Variants in DIAPH3 observed in about 807,000 individuals in gnomAD.
The protein encoded by DIAPH3 is protein diaphanous homolog 3.
In DIAPH3, 117 loss-of-function variants were observed where a neutral mutation model predicts 144.3. That is an observed-to-expected ratio of 0.81 (90% CI 0.70 to 0.95). The LOEUF is 0.95. Ranked by LOEUF, DIAPH3 falls within the 40% of genes least tolerant of loss-of-function variation. DIAPH3 has a pLI of 0.00. For synonymous variants in DIAPH3, 519 were observed against 488.9 expected (o/e 1.06, Z -0.81); for missense variants, 1,421 against 1,412.7 (o/e 1.01, Z -0.09).
chr13:59,744,688 A>G (rs1249765308), intron 27 of DIAPH3, among the ~76,000 whole-genome samples: 1 of 152,212 alleles, frequency 6.6e-6, no homozygotes, highest in Non-Finnish European at 1.5e-5. Flanking sequence ...ACAGAGAGGT[A>G]TAACTTATTA....
At chr13:60,046,110 T>C (rs118125262) in intron 4 of DIAPH3, among the ~76,000 whole-genome samples, 1 of 152,278 alleles carries the variant, frequency 6.6e-6, no homozygotes, top group Non-Finnish European at 1.5e-5. Context: ...AACTCCTGAA[T>C]AGCAATAGGT....
chr13:59,995,107 TG>T (rs1475436949), intron 9 of DIAPH3, among the ~76,000 whole-genome samples: 2 of 151,770 alleles, frequency 1.3e-5, no homozygotes, highest in African/African-American at 4.8e-5. Context: ...ACATACAAAA[TG>T]TAAGAAGAGC....
chr13:60,050,578 C>G (rs1001715102), intron 4 of DIAPH3, among the ~76,000 whole-genome samples: 1 of 152,046 alleles, frequency 6.6e-6, no homozygotes, highest in Non-Finnish European at 1.5e-5. Context: ...AAATCAGAAG[C>G]AGCAGCAGCA....
intron 27 of DIAPH3, among the ~76,000 whole-genome samples, chr13:59,716,836 C>T (rs140976134): frequency 1.4e-4 from 22 of 152,180 alleles, no homozygotes; most frequent in African/African-American, 4.6e-4. Flanking sequence ...TTAAATTCTG[C>T]TTTAAATGAG....
chr13:60,048,051 C>T (rs1056911611), intron 4 of DIAPH3, among the ~76,000 whole-genome samples: 4 of 152,188 alleles, frequency 2.6e-5, no homozygotes, highest in African/African-American at 9.7e-5. Context: ...CAATGCAGGG[C>T]CCATGGTGAA....
At chr13:60,064,670 G>T (rs529211262) in intron 4 of DIAPH3, among the ~76,000 whole-genome samples, 2 of 152,268 alleles carry the variant, frequency 1.3e-5, no homozygotes, top group South Asian at 4.1e-4. Flanking sequence ...TCAACAATAA[G>T]ATTGTTTTGC....
At chr13:59,814,800 C>CTTT in intron 24 of DIAPH3, among the ~76,000 whole-genome samples, 1 of 152,176 alleles carries the variant, frequency 6.6e-6, no homozygotes, top group East Asian at 1.9e-4. Flanking sequence ...TAAAGAAATT[C>CTTT]TTTGAGTGTT....
chr13:59,884,536 G>A (rs1307700313), intron 20 of DIAPH3, among the ~76,000 whole-genome samples: 1 of 152,056 alleles, frequency 6.6e-6, no homozygotes. Flanking sequence ...TTCTCTATGG[G>A]AGAGGTATGA....
At chr13:59,693,401 T>C (rs1053625031) in intron 27 of DIAPH3, among the ~76,000 whole-genome samples, 4 of 152,206 alleles carry the variant, frequency 2.6e-5, no homozygotes, top group African/African-American at 9.6e-5. Flanking sequence ...ATCATGAAAC[T>C]CAGTTCTTTG....
intron 4 of DIAPH3, among the ~76,000 whole-genome samples, chr13:60,051,622 A>G (rs2056348416): frequency 1.3e-5 from 2 of 152,264 alleles, no homozygotes; most frequent in South Asian, 4.1e-4. Flanking sequence ...GTCTCAAAAA[A>G]AAACAAGAAA....
chr13:59,848,090 C>T (rs2139830800), intron 22 of DIAPH3, among the ~76,000 whole-genome samples: 1 of 152,194 alleles, frequency 6.6e-6, no homozygotes, highest in East Asian at 1.9e-4. Flanking sequence ...TTCTTACCAC[C>T]CTCACTACTC....
At chr13:59,940,322 T>A (rs2048466172) in intron 17 of DIAPH3, among the ~76,000 whole-genome samples, 1 of 152,160 alleles carries the variant, frequency 6.6e-6, no homozygotes, top group Non-Finnish European at 1.5e-5. Flanking sequence ...AGAACTGAAA[T>A]ATCCCTTACT....
intron 7 of DIAPH3, 36 bp from the exon 8 acceptor site, chr13:60,010,705 AAATT>A: frequency 6.3e-7 from 1 of 1,596,562 alleles, no homozygotes; most frequent in Middle Eastern, 1.7e-4. Flanking sequence ...CAAATGTTAG[AAATT>A]AGTTAGAAAA....
chr13:60,140,564 CTTCA>C (rs1281621003), intron 1 of DIAPH3, among the ~76,000 whole-genome samples: 6 of 152,024 alleles, frequency 3.9e-5, no homozygotes, highest in African/African-American at 1.4e-4. Context: ...ATAATTCCAA[CTTCA>C]TTAATATACA....
intron 17 of DIAPH3, among the ~76,000 whole-genome samples, chr13:59,928,868 G>T (rs369403932): frequency 3.3e-5 from 5 of 152,144 alleles, no homozygotes; most frequent in African/African-American, 1.2e-4. Flanking sequence ...TGGGCCCCTG[G>T]GGGTTGTACT....
At chr13:60,137,429 C>T (rs756828332) in intron 1 of DIAPH3, among the ~76,000 whole-genome samples, 1 of 152,162 alleles carries the variant, frequency 6.6e-6, no homozygotes, top group Non-Finnish European at 1.5e-5. Flanking sequence ...ACTTAGTTTA[C>T]AAGTAACAAA....
rs2139282577 is a variant in DIAPH3 at position 59,774,817 on chromosome 13, T to A, written c.3170A>T (p.Asp1057Val). The A allele has an allele frequency of 1.9e-6, 3 of 1,613,902 alleles. No homozygotes were observed. Among genetic ancestry groups the A allele is most frequent in the Non-Finnish European group, 2.5e-6 (3 of 1,179,788 alleles). Residue 1057 changes from aspartate (D) to valine (V), a missense_variant, in exon 26 of 28, where the codon GAT becomes GTT. Transcript: ENST00000400324. ...CAGATTATCCATCACTCCTGTCTCA[T>A]CACCCTCTGTGAAAAGAGATGCAGG... ...KRLLEMKTEG[D>V]ETGVMDNLLE...
chr13:59,783,017 G>A (rs1248607971), intron 25 of DIAPH3, among the ~76,000 whole-genome samples: 1 of 152,154 alleles, frequency 6.6e-6, no homozygotes, highest in Admixed American at 6.5e-5. Flanking sequence ...AGACTTTAAA[G>A]GAGCCATGAA....
At chr13:59,988,885 C>T (rs2051612606) in intron 12 of DIAPH3, among the ~76,000 whole-genome samples, 1 of 151,638 alleles carries the variant, frequency 6.6e-6, no homozygotes, top group Non-Finnish European at 1.5e-5. Flanking sequence ...GTATTTCAGC[C>T]CCCTCCCTTT....
Sources: allele counts gnomAD v4.1 joint callset (sites outside exome capture counted in the v4.1 genomes callset), GRCh38; gene constraint gnomAD v4.1.1; transcripts MANE v1.5; gene names NCBI Gene and HGNC (gene_info 2026-07-23, HGNC 2026-07-21).